LYN: variants seen among roughly 807,000 people sequenced by gnomAD.
LYN encodes tyrosine-protein kinase Lyn.
Under a neutral mutation model 65.0 loss-of-function variants are expected in LYN, and 12 were observed. The observed-to-expected ratio is 0.18, with a 90% confidence interval of 0.12 to 0.30. The LOEUF is 0.30. LYN is among the 10% of genes least tolerant of loss of function. LYN has a pLI of 1.00. For missense variants in LYN, 380 were observed against 623.2 expected (o/e 0.61, Z 4.16); for synonymous variants, 222 against 221.2 (o/e 1.00, Z -0.03).
At chr8:55,962,069 C>T (rs1212229084) in intron 8 of LYN, among the ~76,000 whole-genome samples, 1 of 152,242 alleles carries the variant, frequency 6.6e-6, no homozygotes. Context: ...TACGTCTTGC[C>T]TCTTTTACTC....
chr8:55,918,603 G>A (rs1805846293), intron 1 of LYN, among the ~76,000 whole-genome samples: 1 of 152,198 alleles, frequency 6.6e-6, no homozygotes. Context: ...CCACACATAA[G>A]TGATGTTGAC....
intron 12 of LYN, among the ~76,000 whole-genome samples, chr8:56,005,230 G>A (rs909680401): frequency 6.6e-6 from 1 of 152,158 alleles, no homozygotes; most frequent in Non-Finnish European, 1.5e-5. Flanking sequence ...GAGTCATACA[G>A]TTTTGCCCTA....
chr8:55,880,655 C>A (rs1442924540), intron 1 of LYN, among the ~76,000 whole-genome samples: 2 of 152,226 alleles, frequency 1.3e-5, no homozygotes, highest in African/African-American at 4.8e-5. Context: ...TGGCCCCGGG[C>A]AGGAGCGTGA....
intron 1 of LYN, 84 bp from the exon 2 acceptor site, chr8:55,941,771 T>C (rs1161121990): frequency 1.1e-6 from 1 of 938,544 alleles, no homozygotes; most frequent in Non-Finnish European, 1.6e-6. Context: ...ATATTTTTTC[T>C]ACTCTTTTTT....
At chr8:55,979,234 G>A (rs1418617851) in intron 10 of LYN, among the ~76,000 whole-genome samples, 1 of 151,898 alleles carries the variant, frequency 6.6e-6, no homozygotes, top group East Asian at 1.9e-4. Flanking sequence ...GTAGAGTTGG[G>A]TTTCACCATG....
chr8:55,908,783 A>G (rs1287705086), intron 1 of LYN, among the ~76,000 whole-genome samples: 1 of 151,582 alleles, frequency 6.6e-6, no homozygotes, highest in African/African-American at 2.4e-5. Context: ...CTGTCATTCC[A>G]CATTCTGTGT....
chr8:55,884,822 C>T (rs1349031730), intron 1 of LYN, among the ~76,000 whole-genome samples: 1 of 152,222 alleles, frequency 6.6e-6, no homozygotes, highest in Non-Finnish European at 1.5e-5. Flanking sequence ...TCCATGCTGA[C>T]AAGAGCAGGG....
intron 10 of LYN, among the ~76,000 whole-genome samples, chr8:55,995,796 G>A (rs1190327338): frequency 6.6e-6 from 1 of 152,188 alleles, no homozygotes; most frequent in African/African-American, 2.4e-5. Context: ...GTCATACGGG[G>A]CCTTGGCAGC....
At chr8:55,916,747 C>T (rs527791987) in intron 1 of LYN, among the ~76,000 whole-genome samples, 1 of 152,136 alleles carries the variant, frequency 6.6e-6, no homozygotes, top group African/African-American at 2.4e-5. Context: ...ACCCCATGCC[C>T]AATACTGCAA....
chr8:55,938,784 G>A (rs1158239630), intron 1 of LYN, among the ~76,000 whole-genome samples: 3 of 152,160 alleles, frequency 2.0e-5, no homozygotes, highest in Non-Finnish European at 2.9e-5. Flanking sequence ...CCATTGTATG[G>A]CAAAGTGGTA....
chr8:55,952,611 CA>C (rs1806984059), intron 7 of LYN, among the ~76,000 whole-genome samples: 1 of 152,150 alleles, frequency 6.6e-6, no homozygotes, highest in South Asian at 2.1e-4. Flanking sequence ...GTTAAATACA[CA>C]AAGTAAGATT....
intron 8 of LYN, among the ~76,000 whole-genome samples, chr8:55,958,684 G>A (rs964647153): frequency 1.3e-5 from 2 of 152,094 alleles, no homozygotes; most frequent in African/African-American, 4.8e-5. Context: ...GACTACCTTA[G>A]GTACCTCAAA....
At chr8:55,952,437 G>A (rs1321100282) in intron 7 of LYN, among the ~76,000 whole-genome samples, 1 of 152,096 alleles carries the variant, frequency 6.6e-6, no homozygotes, top group African/African-American at 2.4e-5. Flanking sequence ...GTGCGTGCCT[G>A]TAGTCCCAGC....
intron 1 of LYN, among the ~76,000 whole-genome samples, chr8:55,916,278 G>A (rs1805778273): frequency 6.6e-6 from 1 of 152,126 alleles, no homozygotes; most frequent in African/African-American, 2.4e-5. Context: ...AATAGTGACT[G>A]TGTTCAATGT....
chr8:55,993,824 A>G (rs1808307048), intron 10 of LYN, among the ~76,000 whole-genome samples: 1 of 152,200 alleles, frequency 6.6e-6, no homozygotes, highest in South Asian at 2.1e-4. Context: ...AATCTTCTGA[A>G]TCAAACACAT....
intron 10 of LYN, among the ~76,000 whole-genome samples, chr8:55,992,548 C>T (rs142919847): frequency 2.8e-4 from 42 of 152,326 alleles, no homozygotes; most frequent in African/African-American, 1.0e-3. Flanking sequence ...CTTACTCCTT[C>T]TTTTGTTAAG....
In LYN at chr8:55,954,851, T is replaced by A. The variant is rs558454895; in HGVS notation, c.790+867T>A. ...CCCTGCCTCAAAATAAATAAATAAA[T>A]AAATAAATAAATAAATAAATAAAAG... On this transcript the variant is annotated intron_variant, in intron 8 of 12. Transcript: ENST00000519728. Among the ~76,000 whole-genome samples, 6 of 145,988 alleles carry A rather than the reference T, an allele frequency of 4.1e-5. No homozygotes were observed. The East Asian group carries it at 9.7e-4, about 24-fold the overall frequency.
chr8:55,910,393 T>C (rs1244457388), intron 1 of LYN, among the ~76,000 whole-genome samples: 1 of 152,230 alleles, frequency 6.6e-6, no homozygotes, highest in Non-Finnish European at 1.5e-5. Context: ...GCACCATTTA[T>C]TGAAAAGGGT....
intron 11 of LYN, among the ~76,000 whole-genome samples, chr8:55,998,802 T>C (rs1312492060): frequency 6.6e-6 from 1 of 152,234 alleles, no homozygotes; most frequent in Non-Finnish European, 1.5e-5. Flanking sequence ...ATTGTTAAAG[T>C]TTTCACTCAA....
Sources: allele counts gnomAD v4.1 joint callset (sites outside exome capture counted in the v4.1 genomes callset), GRCh38; gene constraint gnomAD v4.1.1; transcripts MANE v1.5; gene names NCBI Gene and HGNC (gene_info 2026-07-23, HGNC 2026-07-21).